RANBP2: variants seen among roughly 807,000 people sequenced by gnomAD.
RANBP2 encodes E3 SUMO-protein ligase RanBP2.
Under a neutral mutation model 303.6 loss-of-function variants are expected in RANBP2, and 57 were observed. That is an observed-to-expected ratio of 0.19 (90% CI 0.15 to 0.23). The LOEUF (loss-of-function observed/expected upper bound fraction) is 0.23. Among genes scored for constraint, RANBP2 ranks in the 10% least tolerant of loss-of-function variants. The pLI, the probability that RANBP2 is intolerant of heterozygous loss-of-function variation, is 1.00. For missense variants in RANBP2, 3,138 were observed against 3,780.8 expected, an observed-to-expected ratio of 0.83 and a Z score of 4.46; for synonymous variants, 1,167 against 1,301.5, an observed-to-expected ratio of 0.90 and a Z score of 2.23.
the RANBP2 span, among the ~76,000 whole-genome samples, chr2:109,092,520 A>C: frequency 6.6e-6 from 1 of 152,176 alleles, no homozygotes; most frequent in East Asian, 1.9e-4. Flanking sequence ...CAAAATTGAG[A>C]ATCTTTTACC....
At chr2:109,004,011 T>C in the RANBP2 span, among the ~76,000 whole-genome samples, 8 of 152,144 alleles carry the variant, frequency 5.3e-5, no homozygotes, top group South Asian at 2.1e-4. Flanking sequence ...ATGACAGGCA[T>C]TGAGGGAAGT....
At chr2:108,810,263 G>T in the RANBP2 span, among the ~76,000 whole-genome samples, 2 of 152,294 alleles carry the variant, frequency 1.3e-5, no homozygotes, top group Admixed American at 6.5e-5. Flanking sequence ...TGTTCAGTAT[G>T]ATGTTAATTG....
At chr2:109,567,351 C>G in the RANBP2 span, among the ~76,000 whole-genome samples, 2 of 152,146 alleles carry the variant, frequency 1.3e-5, no homozygotes. Flanking sequence ...TAGTCACCTT[C>G]CATTGTACTA....
chr2:109,341,186 A>T, the RANBP2 span, among the ~76,000 whole-genome samples: 1 of 152,262 alleles, frequency 6.6e-6, no homozygotes, highest in Admixed American at 6.5e-5. Context: ...TTTGGACCCA[A>T]CAAGCAGCTT....
intron 14 of RANBP2, 73 bp downstream of exon 14, chr2:108,753,636 C>T: frequency 3.8e-6 from 6 of 1,593,036 alleles, no homozygotes; most frequent in Non-Finnish European, 5.1e-6. Context: ...CGGGGTTTCT[C>T]TGTTGGTCGG....
chr2:109,300,862 TA>T, the RANBP2 span, among the ~76,000 whole-genome samples: 1 of 152,114 alleles, frequency 6.6e-6, no homozygotes, highest in African/African-American at 2.4e-5. Flanking sequence ...CAGAACGACT[TA>T]AAAAGCAAGC....
chr2:108,768,151 A>G lies in RANBP2; in HGVS notation c.7612A>G (p.Ser2538Gly). ...EKSKPFAFGN[S>G]SATGSLFGFS... ...ATCAAAACCATTTGCATTCGGCAACAGTTCAGCCACTGGGTCTTTGTTTGG... is the reference window on the plus strand; with the variant it reads ...ATCAAAACCATTTGCATTCGGCAACGGTTCAGCCACTGGGTCTTTGTTTGG... The change falls in exon 20 of 29, where the codon AGT becomes GGT. Residue 2538 changes from serine to glycine, a missense_variant. By Grantham distance (56) the Ser-to-Gly change is moderately conservative (BLOSUM62 0). This residue lies in a region of RANBP2 where 497 missense variants were observed against 465.8 expected (regional missense o/e 1.07). Coordinates refer to ENST00000283195, the MANE Select transcript of RANBP2 (RefSeq NM_006267.5). 6.2e-7 allele frequency: 1 copy of G among 1,612,074 alleles called. No homozygotes were observed. The highest frequency in any genetic ancestry group is 8.5e-7 in the Non-Finnish European group (1 of 1,179,866).
At chr2:109,706,534 C>T in the RANBP2 span, among the ~76,000 whole-genome samples, 1 of 152,196 alleles carries the variant, frequency 6.6e-6, no homozygotes, top group African/African-American at 2.4e-5. Flanking sequence ...CCCAAGGCCT[C>T]CAGTCCCCTG....
chr2:108,843,574 C>G, the RANBP2 span, among the ~76,000 whole-genome samples: 1 of 152,138 alleles, frequency 6.6e-6, no homozygotes, highest in Non-Finnish European at 1.5e-5. Flanking sequence ...CAGTTCTTTA[C>G]TTTCAGTACT....
At chr2:108,798,260 G>T in the RANBP2 span, 2 of 181,178 alleles carry the variant, frequency 1.1e-5, no homozygotes, top group Non-Finnish European at 2.1e-5. Flanking sequence ...TATAATTTCT[G>T]TGCAAGTTTA....
At chr2:109,312,021 A>G in the RANBP2 span, among the ~76,000 whole-genome samples, 1 of 136,712 alleles carries the variant, frequency 7.3e-6, no homozygotes, top group African/African-American at 3.3e-5. Flanking sequence ...TTTTGAACTG[A>G]CTTGAGCGTT....
chr2:109,078,100 A>ATATATGGCG, the RANBP2 span, among the ~76,000 whole-genome samples: 57 of 70,000 alleles, frequency 8.1e-4, 1 homozygote, highest in African/African-American at 2.0e-3. Flanking sequence ...ATATATATAT[A>ATATATGGCG]TATATATATA....
the RANBP2 span, chr2:108,923,309 T>C: frequency 6.9e-3 from 10,469 of 1,510,118 alleles, 88 homozygotes; most frequent in East Asian, 0.029. Flanking sequence ...ACACCCTCTG[T>C]AGTGAAAGGG....
chr2:109,605,725 A>G, the RANBP2 span: 3 of 152,250 alleles, frequency 2.0e-5, no homozygotes, highest in Non-Finnish European at 4.4e-5. Flanking sequence ...ATGCTGTATT[A>G]GGTTCTTTAG....
the RANBP2 span, among the ~76,000 whole-genome samples, chr2:109,090,310 TCACACACACACACACACACACACA>T: frequency 4.6e-5 from 5 of 109,690 alleles, no homozygotes; most frequent in South Asian, 2.9e-4. Context: ...ACACCTCGCC[TCACACACACACACACACACACACA>T]CACACACACA....
At chr2:109,611,859 TG>T in the RANBP2 span, among the ~76,000 whole-genome samples, 1 of 152,180 alleles carries the variant, frequency 6.6e-6, no homozygotes, top group East Asian at 1.9e-4. Context: ...GTGCAGAAAC[TG>T]GACCTCTCAT....
At chr2:109,587,369 TTG>T in the RANBP2 span, among the ~76,000 whole-genome samples, 5 of 152,066 alleles carry the variant, frequency 3.3e-5, no homozygotes, top group African/African-American at 1.2e-4. Flanking sequence ...TCTTAAAAAC[TTG>T]TGTGAGAGTA....
At chr2:109,591,510 A>C in the RANBP2 span, among the ~76,000 whole-genome samples, 47 of 152,350 alleles carry the variant, frequency 3.1e-4, 1 homozygote, top group South Asian at 9.3e-3. Flanking sequence ...GGAAGATGGA[A>C]TAGACTGTTA....
Position 108,771,808 on chromosome 2 carries a change from C to G in RANBP2, c.7957C>G (p.Leu2653Val). 6.2e-7 allele frequency: 1 copy of G among 1,614,072 alleles called. No homozygotes were observed. ...EQKALATKLK[L>V]PPTFFCYKNR... is the part of the protein sequence containing the mutation. ...GAAAGCCCTTGCAACCAAACTTAAA[C>G]TTCCTCCAACTTTCTTCTGCTACAA... Residue 2653 changes from leucine (L) to valine (V), a missense_variant, in exon 21 of 29, where the codon CTT becomes GTT. This residue lies in a region of RANBP2 where 497 missense variants were observed against 465.8 expected (regional missense o/e 1.07). Coordinates refer to ENST00000283195, the MANE Select transcript of RANBP2 (RefSeq NM_006267.5).
Sources: allele counts gnomAD v4.1 joint callset (sites outside exome capture counted in the v4.1 genomes callset), GRCh38; gene constraint gnomAD v4.1.1; regional missense constraint gnomAD v4.1.1; transcripts MANE v1.5; gene names NCBI Gene and HGNC (gene_info 2026-07-23, HGNC 2026-07-21).